Variants in TUBGCP3 observed in about 807,000 individuals in gnomAD.
TUBGCP3 encodes tubulin gamma complex component 3.
A neutral mutation model predicts 123.1 loss-of-function variants in TUBGCP3; 50 were observed. That is an observed-to-expected ratio of 0.41 (90% CI 0.32 to 0.51). The LOEUF is 0.51. TUBGCP3 is among the 20% of genes least tolerant of loss of function. The pLI is 0.36. For missense variants in TUBGCP3, 882 were observed against 1,127.0 expected, an observed-to-expected ratio of 0.78 and a Z score of 3.11; for synonymous variants, 405 against 413.9, an observed-to-expected ratio of 0.98 and a Z score of 0.26.
intron 10 of TUBGCP3, chr13:112,546,763 T>C (rs970083420): frequency 3.9e-5 from 6 of 152,176 alleles, no homozygotes; most frequent in Non-Finnish European, 7.3e-5. Context: ...TGCTGGGAAC[T>C]GGAGAAAACG....
chr13:112,574,138 G>A (rs959700472), intron 1 of TUBGCP3, among the ~76,000 whole-genome samples: 4 of 133,246 alleles, frequency 3.0e-5, no homozygotes, highest in African/African-American at 1.2e-4. Context: ...TGGGCACTCT[G>A]AGCTCACAGT....
At chr13:112,557,566 G>A (rs923534975) in intron 5 of TUBGCP3, among the ~76,000 whole-genome samples, 19 of 152,202 alleles carry the variant, frequency 1.2e-4, no homozygotes, top group Admixed American at 1.1e-3. Context: ...TCTACATATA[G>A]GAAGAATGTG....
chr13:112,507,831 T>C (rs770147263), intron 17 of TUBGCP3, among the ~76,000 whole-genome samples: 26 of 152,208 alleles, frequency 1.7e-4, no homozygotes, highest in Non-Finnish European at 2.9e-4. Flanking sequence ...AGTCTGAAAG[T>C]AGATACACAG....
chr13:112,551,880 G>C (rs1419035393), intron 8 of TUBGCP3, among the ~76,000 whole-genome samples: 1 of 152,112 alleles, frequency 6.6e-6, no homozygotes, highest in Non-Finnish European at 1.5e-5. Context: ...GACCAGGGTG[G>C]GATGGGGGGG....
intron 16 of TUBGCP3, 56 bp from the exon 17 acceptor site, chr13:112,516,631 T>C: frequency 1.3e-6 from 2 of 1,539,664 alleles, no homozygotes; most frequent in Non-Finnish European, 1.8e-6. Context: ...ATCCTCTCAG[T>C]ACAGGTCTCA....
intron 19 of TUBGCP3, among the ~76,000 whole-genome samples, chr13:112,502,907 T>A (rs962744934): frequency 6.6e-6 from 1 of 152,198 alleles, no homozygotes; most frequent in Admixed American, 6.5e-5. Context: ...TGACATAATT[T>A]CCACATATTT....
chr13:112,591,596 G>T (rs1207385511), upstream of TUBGCP3, among the ~76,000 whole-genome samples: 1 of 151,542 alleles, frequency 6.6e-6, no homozygotes, highest in African/African-American at 2.4e-5. Flanking sequence ...CTTTCTGGTG[G>T]TTCTGGCCTA....
chr13:112,574,717 A>C (rs536804835), intron 1 of TUBGCP3, among the ~76,000 whole-genome samples: 10 of 152,382 alleles, frequency 6.6e-5, no homozygotes, highest in African/African-American at 2.4e-4. Flanking sequence ...ACCTCCAATC[A>C]GACTCTGAAC....
At chr13:112,499,955 A>T (rs1566533623) in intron 19 of TUBGCP3, among the ~76,000 whole-genome samples, 1 of 152,226 alleles carries the variant, frequency 6.6e-6, no homozygotes, top group Non-Finnish European at 1.5e-5. Flanking sequence ...ACCCAAGGCC[A>T]TAGAGCAAAT....
Position 112,486,163 on chromosome 13 carries a change from C to G in TUBGCP3, c.2566-12G>C. The G allele has an allele frequency of 6.2e-7, 1 of 1,609,582 alleles. No individual in the cohort carries two copies. Among genetic ancestry groups the G allele is most frequent in the African/African-American group, 1.3e-5 (1 of 74,688 alleles). Reference sequence around the variant, plus strand: ...TGCTGCACGATACCCTAAAAAGAAGCAAAAGGAGTAAAATATTGTTTCAGA... The same window carrying G: ...TGCTGCACGATACCCTAAAAAGAAGGAAAAGGAGTAAAATATTGTTTCAGA... On this transcript the variant is annotated splice_polypyrimidine_tract_variant and intron_variant, in intron 21 of 21. Coordinates refer to ENST00000261965, the MANE Select transcript of TUBGCP3 (RefSeq NM_006322.6).
chr13:112,486,069 T>C lies in TUBGCP3; in HGVS notation c.2648A>G (p.Asn883Ser), dbSNP rs1377842650. ...GGGCTCCCTGGCTTTGTAATGCTCGTTGAAGTCCAGCCTGAAGCTAAGAAA... is the reference window on the plus strand; with the variant it reads ...GGGCTCCCTGGCTTTGTAATGCTCGCTGAAGTCCAGCCTGAAGCTAAGAAA... ...LRFLSFRLDF[N>S]EHYKAREPRL... The change falls in exon 22 of 22, where the codon AAC (asparagine) becomes AGC (serine). Residue 883 changes from asparagine to serine, a missense_variant. Asn to Ser is a conservative substitution (Grantham distance 46). Coordinates refer to ENST00000261965, the MANE Select transcript of TUBGCP3 (RefSeq NM_006322.6). The C allele has an allele frequency of 6.2e-7, 1 of 1,610,604 alleles. No individual in the cohort carries two copies. The highest frequency in any genetic ancestry group is 8.5e-7 in the Non-Finnish European group (1 of 1,177,210).
At chr13:112,568,635 C>A (rs1337836815) in intron 2 of TUBGCP3, among the ~76,000 whole-genome samples, 6 of 152,252 alleles carry the variant, frequency 3.9e-5, no homozygotes, top group African/African-American at 1.2e-4. Flanking sequence ...AACGGGGAGG[C>A]CCCAGCAGGG....
chr13:112,486,208 T>A, intron 21 of TUBGCP3, 57 bp from the exon 22 acceptor site: 1 of 1,595,768 alleles, frequency 6.3e-7, no homozygotes, highest in Non-Finnish European at 8.6e-7. Flanking sequence ...CCCACAAACG[T>A]ATTCCCCGGA....
At chr13:112,521,873 G>C (rs1299586538) in intron 14 of TUBGCP3, 1 of 985,010 alleles carries the variant, frequency 1.0e-6, no homozygotes, top group African/African-American at 1.7e-5. Flanking sequence ...CTCTGGAAGG[G>C]AAGATGCCAT....
intron 1 of TUBGCP3, chr13:112,583,968 G>C (rs2139335083): frequency 6.6e-6 from 1 of 152,310 alleles, no homozygotes. Flanking sequence ...TAGAGATGAA[G>C]CCCACAATAT....
chr13:112,565,888 T>A (rs1412416171), intron 2 of TUBGCP3, among the ~76,000 whole-genome samples: 3 of 146,022 alleles, frequency 2.1e-5, no homozygotes, highest in Non-Finnish European at 4.4e-5. Context: ...TGAGCCAAGA[T>A]CACACCACTG....
the TUBGCP3 span, chr13:112,604,697 G>T: frequency 6.6e-6 from 1 of 152,190 alleles, no homozygotes; most frequent in Non-Finnish European, 1.5e-5. Context: ...AATACCCAAA[G>T]GATAAAAGTC....
At position 112,504,121 on chromosome 13, in the gene TUBGCP3, G is replaced by C; in HGVS notation, c.2218C>G (p.Gln740Glu). Reference sequence around the variant, plus strand: ...ATGATGTGATCCAAATCCTGGGCCTGCTGGACTTTGTTCCAAAGCTCATCC... The same window carrying C: ...ATGATGTGATCCAAATCCTGGGCCTCCTGGACTTTGTTCCAAAGCTCATCC... ...SWDELWNKVQ[Q>E]AQDLDHIIAA... is the part of the protein sequence containing the mutation. Residue 740 changes from glutamine (Q) to glutamate (E), a missense_variant, in exon 19 of 22, where the codon CAG becomes GAG. Physicochemically the swap from Gln to Glu is conservative, Grantham distance 29. Transcript: ENST00000261965. The C allele has an allele frequency of 1.2e-6, 2 of 1,614,154 alleles. No homozygotes were observed. Among genetic ancestry groups the C allele is most frequent in the Non-Finnish European group, 1.7e-6 (2 of 1,180,030 alleles).
intron 8 of TUBGCP3, among the ~76,000 whole-genome samples, chr13:112,550,537 G>A (rs1389557787): frequency 2.0e-5 from 3 of 152,202 alleles, no homozygotes; most frequent in African/African-American, 7.2e-5. Flanking sequence ...CCCGCTGGAG[G>A]TACCGCCACG....
Sources: gnomAD v4.1 joint callset for allele counts (sites outside exome capture counted in the v4.1 genomes callset) on GRCh38, gnomAD v4.1.1 for gene constraint, MANE v1.5 for transcripts, NCBI Gene and HGNC (gene_info 2026-07-23, HGNC 2026-07-21) for gene names.